Variants in TRAPPC8 observed in about 807,000 individuals in gnomAD.
The protein encoded by TRAPPC8 is general sporulation gene 1 homolog.
A neutral mutation model predicts 174.3 loss-of-function variants in TRAPPC8; 54 were observed. That is an observed-to-expected ratio of 0.31 (90% CI 0.25 to 0.39). TRAPPC8 has a LOEUF of 0.39. Among genes scored for constraint, TRAPPC8 ranks in the 10% least tolerant of loss-of-function variants. The probability of loss-of-function intolerance (pLI) is 1.00; values close to 1 mark genes in which losing one functional copy is unlikely to be tolerated. For synonymous variants in TRAPPC8, 630 were observed against 579.9 expected (o/e 1.09, Z -1.24); for missense variants, 1,531 against 1,699.1 (o/e 0.90, Z 1.74).
intron 20 of TRAPPC8, among the ~76,000 whole-genome samples, chr18:31,856,391 C>A (rs1162586643): frequency 6.6e-6 from 1 of 152,100 alleles, no homozygotes; most frequent in African/African-American, 2.4e-5. Flanking sequence ...CCCCAAAAAT[C>A]AATCATATTC....
At chr18:31,833,562 T>C (rs2032507748) in intron 27 of TRAPPC8, among the ~76,000 whole-genome samples, 1 of 152,228 alleles carries the variant, frequency 6.6e-6, no homozygotes, top group Admixed American at 6.5e-5. Context: ...CAAGAGCCTC[T>C]TAATTAGCAC....
chr18:31,858,883 T>C (rs1374684832), intron 19 of TRAPPC8, among the ~76,000 whole-genome samples: 1 of 151,952 alleles, frequency 6.6e-6, no homozygotes, highest in Admixed American at 6.6e-5. Context: ...AGTTGGTGGA[T>C]CCCTTGAGCT....
rs1241878364 is a variant in TRAPPC8 at position 31,911,343 on chromosome 18, C to G, written c.772-1583G>C. 4.6e-5 allele frequency among the ~76,000 whole-genome samples: 7 copies of G among 151,960 alleles called. No homozygotes were observed. In the East Asian group the frequency reaches 1.2e-3, roughly 25 times the overall value. On this transcript the variant is annotated intron_variant, in intron 5 of 28. Transcript: ENST00000283351. ...ACCAGCCTAGCCAACAGGGTGAAAC[C>G]CTGTCTCGACTAAAAATGAATCGCT...
chr18:31,870,240 A>T, intron 16 of TRAPPC8, 132 bp downstream of exon 16: 1 of 781,686 alleles, frequency 1.3e-6, no homozygotes, highest in South Asian at 3.7e-5. Flanking sequence ...AGTACATATC[A>T]TAATTTTTAT....
intron 27 of TRAPPC8, among the ~76,000 whole-genome samples, chr18:31,838,214 C>T (rs12607786): frequency 0.23 from 34,783 of 152,070 alleles, 4,812 homozygotes; most frequent in South Asian, 0.52. Flanking sequence ...TTCTATGCAT[C>T]CTCAGCTAGC....
chr18:31,843,797 A>G (rs778738029), intron 26 of TRAPPC8, among the ~76,000 whole-genome samples: 1 of 152,202 alleles, frequency 6.6e-6, no homozygotes, highest in Non-Finnish European at 1.5e-5. Context: ...CAATGTGAAA[A>G]CTGATAAATT....
chr18:31,880,866 G>A (rs752411911), intron 12 of TRAPPC8, among the ~76,000 whole-genome samples: 1 of 151,898 alleles, frequency 6.6e-6, no homozygotes, highest in Non-Finnish European at 1.5e-5. Context: ...ATAAAACTCA[G>A]GATGAGAACC....
chr18:31,940,420 G>C (rs1168195649), intron 1 of TRAPPC8, among the ~76,000 whole-genome samples: 2 of 152,174 alleles, frequency 1.3e-5, no homozygotes, highest in Middle Eastern at 6.8e-3. Flanking sequence ...AGCCAAGATC[G>C]CGCCACTGCA....
chr18:31,867,296 CT>C, intron 17 of TRAPPC8, 105 bp downstream of exon 17: 1 of 898,532 alleles, frequency 1.1e-6, no homozygotes, highest in South Asian at 1.6e-5. Context: ...AATTTTAGTT[CT>C]TAAGAAAACT....
chr18:31,858,960 C>T (rs1473289111), intron 19 of TRAPPC8, among the ~76,000 whole-genome samples: 1 of 151,918 alleles, frequency 6.6e-6, no homozygotes, highest in Admixed American at 6.6e-5. Context: ...AAAAAATGAG[C>T]CGCACGCCTG....
rs1437599927 is a variant in TRAPPC8, at chr18:31,897,803, T to C, written c.1579A>G (p.Ile527Val). The C allele has an allele frequency of 8.1e-6, 13 of 1,609,692 alleles. No homozygotes were observed. The highest frequency in any genetic ancestry group is 1.3e-5 in the African/African-American group (1 of 74,840). The change falls in exon 11 of 29, where the codon ATA (isoleucine) becomes GTA (valine). Residue 527 changes from isoleucine to valine, a missense_variant. Ile to Val is a conservative substitution (Grantham distance 29). Coordinates refer to ENST00000283351, the MANE Select transcript of TRAPPC8 (RefSeq NM_014939.5). ...TTCAGTACCTCACTGGTCAACCGTA[T>C]TAGGAGAGCTGCAGCCTCTGAATAT... ...SKYSEAAALL[I>V]RLTSEDSDLR...
intron 15 of TRAPPC8, 101 bp from the exon 16 acceptor site, chr18:31,870,603 C>A: frequency 7.9e-7 from 1 of 1,261,494 alleles, no homozygotes; most frequent in Non-Finnish European, 1.1e-6. Flanking sequence ...CTCTGCATTT[C>A]TGCCTAGACT....
rs778837678 is a variant in TRAPPC8 at position 31,873,559 on chromosome 18, A to G, written c.1954-21T>C. On this transcript the variant is annotated intron_variant, in intron 13 of 28. Transcript: ENST00000283351. ...ACATTCTGAGAGAAATATAAAAGGG[A>G]AAAAAAGTAGTTTTTGTGAAAATGG... 17 of 1,557,228 alleles carry G rather than the reference A, an allele frequency of 1.1e-5. No homozygotes were observed. In the East Asian group the frequency reaches 1.8e-4, roughly 17 times the overall value.
chr18:31,937,613 A>C (rs1390434787), intron 1 of TRAPPC8: 1 of 151,666 alleles, frequency 6.6e-6, no homozygotes, highest in African/African-American at 2.4e-5. Context: ...GGATCACACA[A>C]TGTTTTTCAA....
At chr18:31,832,247 T>A in intron 27 of TRAPPC8, 74 bp from the exon 28 acceptor site, 3 of 776,614 alleles carry the variant, frequency 3.9e-6, no homozygotes, top group Non-Finnish European at 5.5e-6. Flanking sequence ...AAATAACACT[T>A]AAGACTATGT....
chr18:31,917,508 A>G, intron 3 of TRAPPC8, 70 bp downstream of exon 3: 1 of 1,430,286 alleles, frequency 7.0e-7, no homozygotes, highest in South Asian at 1.3e-5. Flanking sequence ...TTTTGCCTTC[A>G]TTAACTATTT....
At chr18:31,858,758 T>A (rs1209578421) in intron 19 of TRAPPC8, among the ~76,000 whole-genome samples, 2 of 152,178 alleles carry the variant, frequency 1.3e-5, no homozygotes, top group South Asian at 2.1e-4. Context: ...TTTGGGCTAA[T>A]GAAATCATAC....
intron 5 of TRAPPC8, among the ~76,000 whole-genome samples, chr18:31,912,031 A>G (rs929039518): frequency 1.3e-5 from 2 of 152,180 alleles, no homozygotes; most frequent in African/African-American, 4.8e-5. Flanking sequence ...TTAAGCCAAT[A>G]GGACAATCAA....
chr18:31,874,453 T>C (rs978675107), intron 13 of TRAPPC8, 27 bp downstream of exon 13: 20 of 1,581,208 alleles, frequency 1.3e-5, no homozygotes, highest in Non-Finnish European at 1.6e-5. Context: ...TTTTAATATC[T>C]ATTCCTGAAT....
Sources: allele counts gnomAD v4.1 joint callset (sites outside exome capture counted in the v4.1 genomes callset), GRCh38; gene constraint gnomAD v4.1.1; transcripts MANE v1.5; gene names NCBI Gene and HGNC (gene_info 2026-07-23, HGNC 2026-07-21).